BORCS7: variants seen among roughly 807,000 people sequenced by gnomAD.
BORCS7 encodes the protein BLOC-1-related complex subunit 7.
A neutral mutation model predicts 17.5 loss-of-function variants in BORCS7; 20 were observed. That is an observed-to-expected ratio of 1.14 (90% CI 0.80 to 1.66). The LOEUF is 1.66. BORCS7 is among the 40% of genes most tolerant of loss of function. The pLI, the probability that BORCS7 is intolerant of heterozygous loss-of-function variation, is 0.00. For synonymous variants in BORCS7, 57 were observed against 49.8 expected (o/e 1.14, Z -0.61); for missense variants, 122 against 129.7 (o/e 0.94, Z 0.29).
chr10:102,860,886 C>T, intron 3 of BORCS7: 1 of 370,140 alleles, frequency 2.7e-6, no homozygotes, highest in Non-Finnish European at 4.9e-6. Context: ...TGATGACTGA[C>T]TGTGCCCAAG....
At chr10:102,857,274 C>T (rs1054557827) in intron 1 of BORCS7, among the ~76,000 whole-genome samples, 3 of 152,152 alleles carry the variant, frequency 2.0e-5, no homozygotes, top group Non-Finnish European at 2.9e-5. Flanking sequence ...TTCTGAGCCC[C>T]GTTATCACTC....
chr10:102,860,863 G>C (rs990698824), intron 3 of BORCS7: 4 of 431,224 alleles, frequency 9.3e-6, no homozygotes, highest in African/African-American at 5.9e-5. Context: ...CTGTGAGGCC[G>C]TTGATCAGTA....
intron 3 of BORCS7, among the ~76,000 whole-genome samples, chr10:102,861,642 G>A (rs746660336): frequency 2.6e-5 from 4 of 151,978 alleles, no homozygotes; most frequent in Non-Finnish European, 5.9e-5. Context: ...GCTTGAGCCC[G>A]GGAGACGGAA....
In BORCS7 at chr10:102,860,406, C is replaced by CT. The variant is rs756162827; in HGVS notation, c.204+22dup. The CT allele has an allele frequency of 0.011, 13,146 of 1,169,094 alleles. No homozygotes were observed. The highest frequency in any genetic ancestry group is 0.013 in the Non-Finnish European group (10,771 of 849,346). 72.4% of individuals were successfully genotyped at this position (1,169,094 alleles called of 1,614,324 possible). A position where few individuals can be genotyped will look rare whatever the true frequency, so the allele number is the denominator to read the frequency against. ...TGCACTCAGAAGATGTAAGAAACAA[C>CT]TTTTTTTTTTAATGATTTGGGTTTA... On this transcript the variant is annotated intron_variant, in intron 2 of 4. Transcript: ENST00000339834.
At chr10:102,855,239 A>C (rs1368496542) in intron 1 of BORCS7, among the ~76,000 whole-genome samples, 1 of 150,282 alleles carries the variant, frequency 6.7e-6, no homozygotes, top group African/African-American at 2.5e-5. Flanking sequence ...GCTCACTGCA[A>C]CTTCCGCCTC....
intron 1 of BORCS7, among the ~76,000 whole-genome samples, chr10:102,858,246 C>T (rs887049085): frequency 6.7e-6 from 1 of 150,372 alleles, no homozygotes; most frequent in Non-Finnish European, 1.5e-5. Context: ...TAAACAAGTA[C>T]ACATAGTATG....
rs1590214838 is a variant in BORCS7 at position 102,864,649 on chromosome 10, A to G, written c.*1725A>G. ...AATTTATATTAAATAATGAAAACGT[A>G]TTTGTACTGAATTTAGTCACTAGAG... On this transcript the variant is annotated 3_prime_UTR_variant, in exon 5 of 5. Coordinates refer to ENST00000339834, the MANE Select transcript of BORCS7 (RefSeq NM_001136200.2). The G allele has an allele frequency of 6.6e-6, 1 of 152,256 alleles. No homozygotes were observed. Among genetic ancestry groups the G allele is most frequent in the South Asian group, 2.1e-4 (1 of 4,828 alleles). 9.4% of individuals were successfully genotyped at this position (152,256 alleles called of 1,614,324 possible). A position where few individuals can be genotyped will look rare whatever the true frequency, so the allele number is the denominator to read the frequency against.
intron 1 of BORCS7, among the ~76,000 whole-genome samples, chr10:102,857,912 C>T (rs1024995901): frequency 6.6e-6 from 1 of 152,042 alleles, no homozygotes; most frequent in Non-Finnish European, 1.5e-5. Context: ...CTTATAATCC[C>T]AGCACTTTGG....
Position 102,854,351 on chromosome 10 carries a change from C to G in BORCS7, c.65C>G (p.Thr22Arg), listed in dbSNP as rs765943098. 5 of 1,589,798 alleles carry G rather than the reference C, an allele frequency of 3.1e-6. No individual in the cohort carries two copies. Among genetic ancestry groups the G allele is most frequent in the East Asian group, 2.3e-5 (1 of 44,298 alleles). Residue 22 changes from threonine to arginine, a missense_variant, in exon 1 of 5, where the codon ACG (threonine) becomes AGG (arginine). Coordinates refer to ENST00000339834, the MANE Select transcript of BORCS7 (RefSeq NM_001136200.2). ...RFGQSVKGLL[T>R]EKVTTCGTDV... ...GGTCAGTCCGTGAAGGGGCTTCTCA[C>G]GGAGAAGGTGACCACCTGTGGTACT...
chr10:102,857,934 A>C (rs764467811), intron 1 of BORCS7, among the ~76,000 whole-genome samples: 17 of 151,876 alleles, frequency 1.1e-4, no homozygotes, highest in Non-Finnish European at 7.4e-5. Flanking sequence ...AGGCTGAGGC[A>C]GGCAAATCAC....
chr10:102,861,312 A>T (rs925014787), intron 3 of BORCS7, among the ~76,000 whole-genome samples: 1 of 151,806 alleles, frequency 6.6e-6, no homozygotes, highest in African/African-American at 2.4e-5. Flanking sequence ...GATACTCAGA[A>T]GGCTGAAGCA....
At position 102,860,199 on chromosome 10, in the gene BORCS7, C is replaced by T; in HGVS notation, c.142-133C>T. 8 of 717,886 alleles carry T rather than the reference C, an allele frequency of 1.1e-5. No homozygotes were observed. The South Asian group carries it at 1.4e-4, about 13-fold the overall frequency. 44.5% of individuals were successfully genotyped at this position (717,886 alleles called of 1,614,324 possible). ...ACAAATAGAAAATTATCCTTCATTACATTTTGAGTGTTTGTGGTTGTATAG... is the reference window on the plus strand; with the variant it reads ...ACAAATAGAAAATTATCCTTCATTATATTTTGAGTGTTTGTGGTTGTATAG... On this transcript the variant is annotated intron_variant, in intron 1 of 4. Coordinates refer to ENST00000339834, the MANE Select transcript of BORCS7 (RefSeq NM_001136200.2).
At chr10:102,859,026 C>G (rs1342696856) in intron 1 of BORCS7, among the ~76,000 whole-genome samples, 1 of 151,952 alleles carries the variant, frequency 6.6e-6, no homozygotes, top group African/African-American at 2.4e-5. Flanking sequence ...GTGGTCAGCT[C>G]TCCTTGACTG....
In BORCS7 at chr10:102,862,168, C is replaced by T; in HGVS notation, c.257C>T (p.Ala86Val). 1.9e-6 allele frequency: 3 copies of T among 1,609,260 alleles called. No individual in the cohort carries two copies. Among genetic ancestry groups the T allele is most frequent in the Non-Finnish European group, 2.6e-6 (3 of 1,175,714 alleles). ...ITTHLQYQQE[A>V]IQKNVEQSSD... ...TTCCTTTTCTGATTTAGGCAAGAAG[C>T]TATTCAGAAGAAGTAAGTAACCCCA... Residue 86 changes from alanine (A) to valine (V), a missense_variant, in exon 4 of 5, where the codon GCT becomes GTT. Ala to Val is a moderately conservative substitution (Grantham distance 64). Transcript: ENST00000339834.
At chr10:102,861,697 G>A (rs1460539466) in intron 3 of BORCS7, among the ~76,000 whole-genome samples, 5 of 150,768 alleles carry the variant, frequency 3.3e-5, no homozygotes, top group African/African-American at 1.2e-4. Flanking sequence ...GCATCCTGGC[G>A]ACAGAGTGAG....
At chr10:102,861,061 CT>C (rs1844510822) in intron 3 of BORCS7, among the ~76,000 whole-genome samples, 1 of 152,162 alleles carries the variant, frequency 6.6e-6, no homozygotes, top group Non-Finnish European at 1.5e-5. Flanking sequence ...TGCTCTTCAT[CT>C]TATTTCATGT....
At chr10:102,860,056 C>T (rs1394224500) in intron 1 of BORCS7, among the ~76,000 whole-genome samples, 1 of 152,232 alleles carries the variant, frequency 6.6e-6, no homozygotes, top group East Asian at 1.9e-4. Flanking sequence ...AATGAATACA[C>T]TGTGCCAACA....
In BORCS7 at chr10:102,863,131, C is replaced by G. The variant is rs1199512752; in HGVS notation, c.*207C>G. 1 of 439,012 alleles carries G rather than the reference C, an allele frequency of 2.3e-6. No homozygotes were observed. The highest frequency in any genetic ancestry group is 2.7e-5 in the South Asian group (1 of 37,414). 27.2% of individuals were successfully genotyped at this position (439,012 alleles called of 1,614,324 possible). A position where few individuals can be genotyped will look rare whatever the true frequency, so the allele number is the denominator to read the frequency against. On this transcript the variant is annotated 3_prime_UTR_variant, in exon 5 of 5. Coordinates refer to ENST00000339834, the MANE Select transcript of BORCS7 (RefSeq NM_001136200.2). The stretch of plus-strand genomic sequence containing the variant: ...CGGGTGGATCACGAGGTCAGGAGTT[C>G]GAGACCAGCCTGGCCAAGATGGTGA...
chr10:102,857,780 C>G lies in BORCS7; in HGVS notation c.142-2552C>G, dbSNP rs571098196. On this transcript the variant is annotated intron_variant, in intron 1 of 4. Coordinates refer to ENST00000339834, the MANE Select transcript of BORCS7 (RefSeq NM_001136200.2). Reference sequence around the variant, plus strand: ...GTGGTACTCTGCAGTTGTAAAAGAGCAATGGATTCATTAGGAGATAGCAAT... The same window carrying G: ...GTGGTACTCTGCAGTTGTAAAAGAGGAATGGATTCATTAGGAGATAGCAAT... Among the ~76,000 whole-genome samples the G allele has an allele frequency of 1.6e-4, 25 of 152,172 alleles. No individual in the cohort carries two copies. In the South Asian group the frequency reaches 3.3e-3, roughly 20 times the overall value.
Sources: gnomAD v4.1 joint callset for allele counts (sites outside exome capture counted in the v4.1 genomes callset) on GRCh38, gnomAD v4.1.1 for gene constraint, MANE v1.5 for transcripts, NCBI Gene and HGNC (gene_info 2026-07-23, HGNC 2026-07-21) for gene names.